Variants in ATP8B1 observed in about 807,000 individuals in gnomAD.
ATP8B1 encodes phospholipid-transporting ATPase IC.
ATP8B1 carries 80 observed loss-of-function variants against 149.9 expected under a neutral mutation model. The observed-to-expected ratio is 0.53, with a 90% CI of 0.45 to 0.64. ATP8B1 has a LOEUF of 0.64. Among genes scored for constraint, ATP8B1 ranks in the 30% least tolerant of loss-of-function variants. ATP8B1 has a pLI of 0.00. For missense variants in ATP8B1, 1,247 were observed against 1,552.6 expected, an observed-to-expected ratio of 0.80 and a Z score of 3.31; for synonymous variants, 536 against 562.8, an observed-to-expected ratio of 0.95 and a Z score of 0.67.
chr18:57,691,977 C>T lies in ATP8B1; in HGVS notation c.1050G>A (p.Leu350=). Residue 350 remains leucine (L), a synonymous_variant, in exon 12 of 28, where the codon CTG becomes CTA. Transcript: ENST00000648908. ...GGCCGATGGCAAGACCAGCAGAAAG[C>T]AGAATAAGAACAACAAAGATCTAGA... is the stretch of plus-strand genomic sequence containing the variant. The part of the protein sequence containing the change: ...MVYTIFVVLI[L]LSAGLAIGHA... 1 of 1,613,608 alleles carries T rather than the reference C, an allele frequency of 6.2e-7. No individual in the cohort carries two copies. Among genetic ancestry groups the T allele is most frequent in the East Asian group, 2.2e-5 (1 of 44,854 alleles).
intron 1 of ATP8B1, among the ~76,000 whole-genome samples, chr18:57,736,841 G>T (rs753409931): frequency 7.9e-5 from 12 of 151,806 alleles, no homozygotes; most frequent in Non-Finnish European, 1.5e-4. Flanking sequence ...TTTATTTCTG[G>T]GTTCCCTATT....
At chr18:57,776,956 CT>C (rs1255493142) in intron 1 of ATP8B1, among the ~76,000 whole-genome samples, 1 of 151,462 alleles carries the variant, frequency 6.6e-6, no homozygotes, top group Non-Finnish European at 1.5e-5. Flanking sequence ...AATCTGTTAT[CT>C]TCCTTTCCAA....
At chr18:57,676,717 C>CA (rs58101846) in intron 15 of ATP8B1, among the ~76,000 whole-genome samples, 30,939 of 92,086 alleles carry the variant, frequency 0.34, 4,524 homozygotes, top group Non-Finnish European at 0.41. Context: ...GACTCCATTT[C>CA]AAAAAAAAAA....
chr18:57,768,277 C>A (rs1378780370), intron 1 of ATP8B1, among the ~76,000 whole-genome samples: 1 of 149,756 alleles, frequency 6.7e-6, no homozygotes, highest in African/African-American at 2.5e-5. Context: ...GTCCCAGCTA[C>A]TGGGGAGGCT....
In ATP8B1 at chr18:57,648,211, C is replaced by G. The variant is rs1053769944; in HGVS notation, c.*277G>C. ...ATGTTGGCTGGGCTGGTCTCGAACT[C>G]CTGGCCTCAGGTGATCTCCCCTCCT... On this transcript the variant is annotated 3_prime_UTR_variant, in exon 28 of 28. Coordinates refer to ENST00000648908, the MANE Select transcript of ATP8B1 (RefSeq NM_001374385.1). 10 of 538,716 alleles carry G rather than the reference C, an allele frequency of 1.9e-5. No homozygotes were observed. 33.4% of individuals were successfully genotyped at this position (538,716 alleles called of 1,614,324 possible).
chr18:57,652,031 A>T lies in ATP8B1; in HGVS notation c.3400+3T>A, dbSNP rs1281106903. On this transcript the variant is annotated splice_donor_region_variant and intron_variant, in intron 26 of 27. Coordinates refer to ENST00000648908, the MANE Select transcript of ATP8B1 (RefSeq NM_001374385.1). ...TTTATTTTTGGAATTTGGAAATACC[A>T]ACCTGTAAATTGAAATGCAGATGGA... is the stretch of plus-strand genomic sequence containing the variant. 6.2e-7 allele frequency: 1 copy of T among 1,613,214 alleles called. No individual in the cohort carries two copies. Among genetic ancestry groups the T allele is most frequent in the South Asian group, 1.1e-5 (1 of 91,040 alleles).
chr18:57,719,315 A>T (rs556734652), intron 2 of ATP8B1, among the ~76,000 whole-genome samples: 2 of 152,326 alleles, frequency 1.3e-5, no homozygotes, highest in South Asian at 4.1e-4. Context: ...GAGACACAGA[A>T]GACCGGTGAT....
At chr18:57,650,184 C>A (rs1200498680) in intron 27 of ATP8B1, among the ~76,000 whole-genome samples, 183 bp downstream of exon 27, 1 of 152,126 alleles carries the variant, frequency 6.6e-6, no homozygotes, top group Non-Finnish European at 1.5e-5. Flanking sequence ...TATTAAAAAG[C>A]AAGCACACTA....
At chr18:57,655,532 A>G (rs1909941838) in intron 22 of ATP8B1, 115 bp from the exon 23 acceptor site, 1 of 913,132 alleles carries the variant, frequency 1.1e-6, no homozygotes, top group African/African-American at 1.6e-5. Context: ...TTGATGGAAC[A>G]ATAATACAGA....
In ATP8B1 at chr18:57,747,174, C is replaced by T. The variant is rs115737602; in HGVS notation, c.-25-15342G>A. Among the ~76,000 whole-genome samples the T allele has an allele frequency of 4.9e-3, 749 of 152,232 alleles. 10 individuals are homozygous for T. The highest frequency in any genetic ancestry group is 0.02 in the Middle Eastern group (6 of 294). On this transcript the variant is annotated intron_variant, in intron 1 of 27. Transcript: ENST00000648908. ...AGCTTGAAAAGTCAGTGGCCCAGGCCGGGCGTGGTGGCTCATACCTGTAAT... is the reference window on the plus strand; with the variant it reads ...AGCTTGAAAAGTCAGTGGCCCAGGCTGGGCGTGGTGGCTCATACCTGTAAT...
intron 2 of ATP8B1, among the ~76,000 whole-genome samples, chr18:57,708,157 C>CAAAAAA (rs36027330): frequency 2.7e-4 from 18 of 67,056 alleles, no homozygotes; most frequent in Non-Finnish European, 3.1e-4. Context: ...AACTCTGTCT[C>CAAAAAA]AAAAAAAAAA....
At chr18:57,708,143 C>T (rs975002011) in intron 2 of ATP8B1, among the ~76,000 whole-genome samples, 3 of 117,152 alleles carry the variant, frequency 2.6e-5, no homozygotes, top group African/African-American at 3.3e-5. Context: ...GGGCGACAGA[C>T]GGAAACTCTG....
intron 1 of ATP8B1, among the ~76,000 whole-genome samples, chr18:57,795,323 A>C (rs367753203): frequency 8.6e-5 from 13 of 151,826 alleles, no homozygotes; most frequent in African/African-American, 2.9e-4. Flanking sequence ...GGATGGCTTG[A>C]GCCCAGGAGT....
chr18:57,696,607 T>A (rs28537751), intron 8 of ATP8B1, among the ~76,000 whole-genome samples: 48,522 of 150,152 alleles, frequency 0.32, 8,420 homozygotes, highest in South Asian at 0.46. Context: ...TATGAAGCAA[T>A]GACAGCCCTA....
intron 3 of ATP8B1, among the ~76,000 whole-genome samples, 196 bp downstream of exon 3, chr18:57,706,294 T>C (rs1913388820): frequency 6.6e-6 from 1 of 152,202 alleles, no homozygotes; most frequent in African/African-American, 2.4e-5. Flanking sequence ...TAATTCTGTT[T>C]TGTTTCAAGT....
chr18:57,653,878 G>T, intron 24 of ATP8B1, 114 bp downstream of exon 24: 2 of 965,042 alleles, frequency 2.1e-6, no homozygotes, highest in Non-Finnish European at 3.3e-6. Flanking sequence ...AATTATAATA[G>T]GGTTTGATCA....
Position 57,794,188 on chromosome 18 carries a change from T to G in ATP8B1, c.-26+8810A>C, listed in dbSNP as rs575572305. Among the ~76,000 whole-genome samples, 7 of 152,254 alleles carry G rather than the reference T, an allele frequency of 4.6e-5. No individual in the cohort carries two copies. In the East Asian group the frequency reaches 9.7e-4, roughly 21 times the overall value. Reference sequence around the variant, plus strand: ...TTTGTTTTACTTTAAAAACCTGCTTTTTAAACACGTAAATCCTTATTTGGC... The same window carrying G: ...TTTGTTTTACTTTAAAAACCTGCTTGTTAAACACGTAAATCCTTATTTGGC... On this transcript the variant is annotated intron_variant, in intron 1 of 27. Coordinates refer to ENST00000648908, the MANE Select transcript of ATP8B1 (RefSeq NM_001374385.1).
At chr18:57,720,948 T>A (rs1256102582) in intron 2 of ATP8B1, among the ~76,000 whole-genome samples, 1 of 148,528 alleles carries the variant, frequency 6.7e-6, no homozygotes, top group Non-Finnish European at 1.5e-5. Context: ...TATTCAACAT[T>A]CTTAAAGAAA....
chr18:57,762,197 A>T (rs1293170029), intron 1 of ATP8B1, among the ~76,000 whole-genome samples: 1 of 151,256 alleles, frequency 6.6e-6, no homozygotes, highest in Non-Finnish European at 1.5e-5. Flanking sequence ...GTAGTGCAGT[A>T]ATGTGATCTC....
Sources: gnomAD v4.1 joint callset for allele counts (sites outside exome capture counted in the v4.1 genomes callset) on GRCh38, gnomAD v4.1.1 for gene constraint, MANE v1.5 for transcripts, NCBI Gene and HGNC (gene_info 2026-07-23, HGNC 2026-07-21) for gene names.